Variants in PCLO observed in about 807,000 individuals in gnomAD.
The protein encoded by PCLO is protein piccolo.
PCLO carries 82 observed loss-of-function variants against 427.5 expected under a neutral mutation model. That is an observed-to-expected ratio of 0.19 (90% CI 0.16 to 0.23). The LOEUF is 0.23. PCLO is among the 10% of genes least tolerant of loss of function. The probability of loss-of-function intolerance (pLI) is 1.00; values close to 1 mark genes in which losing one functional copy is unlikely to be tolerated. For missense variants in PCLO, 6,239 were observed against 6,115.9 expected, an observed-to-expected ratio of 1.02 and a Z score of -0.67; for synonymous variants, 2,357 against 2,155.4, an observed-to-expected ratio of 1.09 and a Z score of -2.59.
intron 13 of PCLO, among the ~76,000 whole-genome samples, chr7:82,842,725 C>A (rs1252849528): frequency 2.0e-5 from 3 of 151,808 alleles, no homozygotes; most frequent in Admixed American, 6.6e-5. Flanking sequence ...AAACAAATAA[C>A]CTGAATTAAA....
chr7:82,970,743 G>A (rs1795883764), intron 3 of PCLO, among the ~76,000 whole-genome samples: 1 of 151,868 alleles, frequency 6.6e-6, no homozygotes, highest in South Asian at 2.1e-4. Context: ...TTAAGGGGGA[G>A]CATAGGAGTA....
chr7:82,904,585 G>T (rs913786296), intron 8 of PCLO, among the ~76,000 whole-genome samples: 1 of 151,776 alleles, frequency 6.6e-6, no homozygotes, highest in East Asian at 1.9e-4. Context: ...ATTCCAAAAA[G>T]TTATTCTTTC....
intron 3 of PCLO, among the ~76,000 whole-genome samples, chr7:82,978,860 A>C (rs913383339): frequency 6.3e-5 from 1 of 15,904 alleles, no homozygotes; most frequent in South Asian, 3.5e-3. Context: ...ACACACAAAC[A>C]CACACACACA....
intron 22 of PCLO, among the ~76,000 whole-genome samples, chr7:82,773,350 G>T (rs1562779477): frequency 6.6e-6 from 1 of 152,150 alleles, no homozygotes; most frequent in Non-Finnish European, 1.5e-5. Flanking sequence ...GGAGTGGATG[G>T]TGGTGACCCT....
chr7:82,946,517 G>A (rs565006881), intron 6 of PCLO, among the ~76,000 whole-genome samples: 1 of 152,238 alleles, frequency 6.6e-6, no homozygotes, highest in East Asian at 1.9e-4. Flanking sequence ...AACAAATTAA[G>A]AAAAGTCTCT....
At chr7:83,143,069 C>T (rs1476227344) in intron 2 of PCLO, among the ~76,000 whole-genome samples, 3 of 152,160 alleles carry the variant, frequency 2.0e-5, no homozygotes, top group Admixed American at 6.5e-5. Flanking sequence ...TCCTATTTCT[C>T]ATCATATTAT....
chr7:83,092,668 G>C (rs752861183), intron 3 of PCLO, among the ~76,000 whole-genome samples: 2 of 152,080 alleles, frequency 1.3e-5, no homozygotes, highest in African/African-American at 2.4e-5. Context: ...ACATGAAGCA[G>C]GCCAGGCACG....
chr7:83,098,275 T>TA (rs1275377372), intron 3 of PCLO, among the ~76,000 whole-genome samples: 1 of 150,092 alleles, frequency 6.7e-6, no homozygotes, highest in African/African-American at 2.5e-5. Flanking sequence ...ATGCTCTACT[T>TA]ACAGTAAACA....
At chr7:83,027,432 A>T (rs76499052) in intron 3 of PCLO, among the ~76,000 whole-genome samples, 367 of 146,708 alleles carry the variant, frequency 2.5e-3, no homozygotes, top group Middle Eastern at 7.4e-3. Context: ...TGAATAGACC[A>T]ATAACAGGAT....
chr7:83,113,819 C>T (rs559120891), intron 3 of PCLO, among the ~76,000 whole-genome samples: 30 of 152,042 alleles, frequency 2.0e-4, no homozygotes, highest in African/African-American at 7.0e-4. Flanking sequence ...GGTAAGAAAA[C>T]GTTACATTAT....
intron 3 of PCLO, among the ~76,000 whole-genome samples, chr7:83,123,529 A>T (rs1015492307): frequency 6.6e-6 from 1 of 152,208 alleles, no homozygotes; most frequent in Non-Finnish European, 1.5e-5. Context: ...CTACCAGAAG[A>T]AAGCATTAGG....
At chr7:83,084,690 T>C (rs1790185964) in intron 3 of PCLO, among the ~76,000 whole-genome samples, 1 of 152,210 alleles carries the variant, frequency 6.6e-6, no homozygotes, top group African/African-American at 2.4e-5. Flanking sequence ...CAGAATATTT[T>C]CTTCCTCTCT....
intron 2 of PCLO, among the ~76,000 whole-genome samples, chr7:83,151,613 G>A (rs1460063466): frequency 1.3e-5 from 2 of 152,092 alleles, no homozygotes; most frequent in African/African-American, 4.8e-5. Flanking sequence ...CTTCTTCCAT[G>A]CTCATTTATG....
chr7:83,064,293 A>C (rs1455970334), intron 3 of PCLO, among the ~76,000 whole-genome samples: 1 of 152,120 alleles, frequency 6.6e-6, no homozygotes, highest in Non-Finnish European at 1.5e-5. Context: ...AAGAAATATG[A>C]ATATGGAAAC....
In PCLO at chr7:83,135,127, G is replaced by T. The variant is rs1287690159; in HGVS notation, c.2423C>A (p.Pro808Gln). 6.2e-7 allele frequency: 1 copy of T among 1,613,914 alleles called. No homozygotes were observed. The highest frequency in any genetic ancestry group is 8.5e-7 in the Non-Finnish European group (1 of 1,179,880). ...DSAKPSQSFP[P>Q]TGEKVSPFDS... Reference sequence around the variant, plus strand: ...AAATGGGCTGACTTTTTCCCCTGTTGGTGGAAAACTCTGTGAGGGTTTGGC... The same window carrying T: ...AAATGGGCTGACTTTTTCCCCTGTTTGTGGAAAACTCTGTGAGGGTTTGGC... Residue 808 changes from proline (P) to glutamine (Q), a missense_variant, in exon 3 of 25, where the codon CCA becomes CAA. This residue lies in a region of PCLO where 4,677 missense variants were observed against 4,468.4 expected (regional missense o/e 1.05). Transcript: ENST00000333891.
At chr7:83,065,766 GC>G (rs768267237) in intron 3 of PCLO, among the ~76,000 whole-genome samples, 4 of 151,946 alleles carry the variant, frequency 2.6e-5, no homozygotes, top group African/African-American at 4.8e-5. Flanking sequence ...TCTTTCCTGT[GC>G]CCCAGCTAAA....
At position 83,075,186 on chromosome 7, in the gene PCLO, T is replaced by G. The variant is rs1583988351; in HGVS notation, c.3300+59064A>C. On this transcript the variant is annotated intron_variant, in intron 3 of 24. Coordinates refer to ENST00000333891, the MANE Select transcript of PCLO (RefSeq NM_033026.6). ...CAAACCTAAAAAGACACGTAAAAATTGAGAGATATCACCAAGTATAAGTGC... is the reference window on the plus strand; with the variant it reads ...CAAACCTAAAAAGACACGTAAAAATGGAGAGATATCACCAAGTATAAGTGC... 3.9e-5 allele frequency among the ~76,000 whole-genome samples: 6 copies of G among 152,180 alleles called. 1 individual carries two copies. The highest frequency in any genetic ancestry group is 3.9e-4 in the Admixed American group (6 of 15,292).
At chr7:83,078,722 G>A (rs543945537) in intron 3 of PCLO, among the ~76,000 whole-genome samples, 2 of 152,056 alleles carry the variant, frequency 1.3e-5, no homozygotes, top group East Asian at 3.9e-4. Context: ...AGTAGAGACG[G>A]GGTTTCACCA....
In PCLO at chr7:82,847,213, C is replaced by A. The variant is rs865910895; in HGVS notation, c.13689G>T (p.Leu4563Phe). ...MQVLEWNGIP[L>F]TSKTYEEVQS... ...GAACTTCTTCATATGTTTTAGAAGT[C>A]AAGGGAATTCCATTCCATTCCAATA... is the stretch of plus-strand genomic sequence containing the variant. The change falls in exon 11 of 25, where the codon TTG becomes TTT. Residue 4563 changes from leucine (L) to phenylalanine (F), a missense_variant. Transcript: ENST00000333891. 2 of 1,602,020 alleles carry A rather than the reference C, an allele frequency of 1.2e-6. No individual in the cohort carries two copies. The highest frequency in any genetic ancestry group is 3.4e-5 in the Admixed American group (2 of 59,680).
Sources: allele counts gnomAD v4.1 joint callset (sites outside exome capture counted in the v4.1 genomes callset), GRCh38; gene constraint gnomAD v4.1.1; regional missense constraint gnomAD v4.1.1; transcripts MANE v1.5; gene names NCBI Gene and HGNC (gene_info 2026-07-23, HGNC 2026-07-21).